ZNF626: variants seen among roughly 807,000 people sequenced by gnomAD.
The protein encoded by ZNF626 is zinc finger protein 626.
Under a neutral mutation model 11.7 loss-of-function variants are expected in ZNF626, and 4 were observed. The ratio of observed to expected loss-of-function variants is 0.34; its 90% CI spans 0.17 to 0.78. The LOEUF (loss-of-function observed/expected upper bound fraction) is 0.78. ZNF626 is among the 30% of genes least tolerant of loss of function. ZNF626 has a pLI of 0.57. For missense variants in ZNF626, 588 were observed against 587.1 expected (o/e 1.00, Z -0.01); for synonymous variants, 179 against 198.6 (o/e 0.90, Z 0.83).
In ZNF626 at chr19:20,623,632, C is replaced by G. The variant is rs1218018870; in HGVS notation, c.*658G>C. 5.6e-6 allele frequency: 1 copy of G among 178,666 alleles called. No individual in the cohort carries two copies. Among genetic ancestry groups the G allele is most frequent in the Non-Finnish European group, 1.2e-5 (1 of 84,486 alleles). The allele number at this position is 178,666 out of a possible 1,614,324, so 11.1% of individuals were successfully genotyped here. ...TGACAAACATGGTGTAACCTTGTCT[C>G]TACTAAAAATACAAAAGTTAGCTGG... On this transcript the variant is annotated 3_prime_UTR_variant, in exon 4 of 4. Coordinates refer to ENST00000601440, the MANE Select transcript of ZNF626 (RefSeq NM_001076675.3).
chr19:20,646,839 G>GATTTATTTATTT (rs567986347), intron 1 of ZNF626, among the ~76,000 whole-genome samples: 394 of 151,844 alleles, frequency 2.6e-3, no homozygotes, highest in African/African-American at 9.2e-3. Flanking sequence ...AATAAAGTCT[G>GATTTATTTATTT]ATTTATTTAT....
At chr19:20,651,163 GGT>G (rs1385557304) in intron 1 of ZNF626, among the ~76,000 whole-genome samples, 1 of 145,782 alleles carries the variant, frequency 6.9e-6, no homozygotes, top group East Asian at 2.0e-4. Context: ...CTCCAGCCTG[GGT>G]GACAGAGGGA....
intron 3 of ZNF626, among the ~76,000 whole-genome samples, chr19:20,642,526 G>A (rs1487578118): frequency 1.3e-5 from 2 of 152,150 alleles, no homozygotes; most frequent in East Asian, 3.9e-4. Flanking sequence ...AACTTGGAAG[G>A]CGGAGGTTGC....
chr19:20,647,491 T>C (rs958665940), intron 1 of ZNF626, among the ~76,000 whole-genome samples: 3 of 120,746 alleles, frequency 2.5e-5, no homozygotes, highest in Non-Finnish European at 4.6e-5. Context: ...ATGGTTTTTT[T>C]TTTTTTTTTT....
At chr19:20,644,457 G>C (rs1225154897) in intron 3 of ZNF626, among the ~76,000 whole-genome samples, 1 of 152,138 alleles carries the variant, frequency 6.6e-6, no homozygotes, top group Non-Finnish European at 1.5e-5. Context: ...GCAGCCTTGT[G>C]ACCAAGCTAC....
chr19:20,653,762 T>TG (rs782088058), intron 1 of ZNF626, among the ~76,000 whole-genome samples: 4 of 152,144 alleles, frequency 2.6e-5, no homozygotes, highest in East Asian at 1.9e-4. Flanking sequence ...AGCCATTGAA[T>TG]GGGGGTCTAT....
intron 1 of ZNF626, among the ~76,000 whole-genome samples, chr19:20,649,847 T>C (rs1970126505): frequency 1.1e-5 from 1 of 93,876 alleles, no homozygotes; most frequent in Non-Finnish European, 2.4e-5. Context: ...GCATTAGCAT[T>C]AGTTAGAGAA....
At chr19:20,657,010 G>C (rs572907093) in intron 1 of ZNF626, among the ~76,000 whole-genome samples, 28 of 152,168 alleles carry the variant, frequency 1.8e-4, no homozygotes, top group Non-Finnish European at 3.7e-4. Flanking sequence ...GTTCATTGCA[G>C]CACTATTCAC....
Position 20,624,770 on chromosome 19 carries a change from G to A in ZNF626, c.1107C>T (p.Tyr369=). 5 of 1,613,532 alleles carry A rather than the reference G, an allele frequency of 3.1e-6. No homozygotes were observed. The highest frequency in any genetic ancestry group is 4.2e-6 in the Non-Finnish European group (5 of 1,179,968). ...AGGCTTTGCCACATTCTTCACATTTGTAGGGTTTCTCTCCAGTATGAATTC... is the reference window on the plus strand; with the variant it reads ...AGGCTTTGCCACATTCTTCACATTTATAGGGTTTCTCTCCAGTATGAATTC... ...HKRIHTGEKP[Y]KCEECGKAFK... The change falls in exon 4 of 4, where the codon TAC becomes TAT. Residue 369 remains tyrosine, a synonymous_variant. Coordinates refer to ENST00000601440, the MANE Select transcript of ZNF626 (RefSeq NM_001076675.3).
intron 3 of ZNF626, among the ~76,000 whole-genome samples, chr19:20,632,045 T>C (rs1484381962): frequency 1.3e-5 from 2 of 152,176 alleles, no homozygotes; most frequent in African/African-American, 2.4e-5. Flanking sequence ...CCTTCACTTA[T>C]GCAGCTTAGT....
rs1969776952 is a variant in ZNF626 at position 20,623,158 on chromosome 19, CTTATG to C, written c.*1127_*1131del. On this transcript the variant is annotated 3_prime_UTR_variant, in exon 4 of 4. Transcript: ENST00000601440. ...AATGCTTTCATTAACTATGAACCTT[CTTATG>C]TTGAGTAAGATGTGAGTAGGCATTA... is the stretch of plus-strand genomic sequence containing the variant. The C allele has an allele frequency of 6.6e-6, 1 of 152,178 alleles. No individual in the cohort carries two copies. Among genetic ancestry groups the C allele is most frequent in the Non-Finnish European group, 1.5e-5 (1 of 68,038 alleles). The allele number at this position is 152,178 out of a possible 1,614,324, so 9.4% of individuals were successfully genotyped here.
Position 20,646,302 on chromosome 19 carries a change from T to C in ZNF626, c.107A>G (p.Asn36Ser), listed in dbSNP as rs1555771897. Residue 36 changes from asparagine (N) to serine (S), a missense_variant, in exon 2 of 4, where the codon AAC becomes AGC. Asn to Ser is a conservative substitution (Grantham distance 46). Transcript: ENST00000601440. ...RNLYRNVMLE[N>S]YSNLVFLGIT... The stretch of plus-strand genomic sequence containing the variant: ...ACCAAGGAAGACCAGGTTACTGTAG[T>C]TCTCTAACATCACATTCCTATATAA... 3 of 1,614,046 alleles carry C rather than the reference T, an allele frequency of 1.9e-6. No individual in the cohort carries two copies. Among genetic ancestry groups the C allele is most frequent in the East Asian group, 2.2e-5 (1 of 44,872 alleles).
chr19:20,643,609 T>C (rs1371856124), intron 3 of ZNF626, among the ~76,000 whole-genome samples: 1 of 152,092 alleles, frequency 6.6e-6, no homozygotes, highest in African/African-American at 2.4e-5. Flanking sequence ...GAGAGTGACA[T>C]CAGTAAGATG....
At chr19:20,641,334 A>G (rs1970022697) in intron 3 of ZNF626, among the ~76,000 whole-genome samples, 1 of 152,198 alleles carries the variant, frequency 6.6e-6, no homozygotes. Context: ...ACATTTTAAG[A>G]TAAACATTGA....
chr19:20,628,113 C>G (rs1969861620), intron 3 of ZNF626, among the ~76,000 whole-genome samples: 1 of 152,166 alleles, frequency 6.6e-6, no homozygotes, highest in Non-Finnish European at 1.5e-5. Context: ...ATGAACTCAT[C>G]ATTTTTTATG....
chr19:20,650,108 T>C (rs1342350866), intron 1 of ZNF626, among the ~76,000 whole-genome samples: 1 of 152,226 alleles, frequency 6.6e-6, no homozygotes, highest in Non-Finnish European at 1.5e-5. Flanking sequence ...CAGAGCACTG[T>C]GCTGGGCGTA....
At chr19:20,627,202 A>C (rs1969846188) in intron 3 of ZNF626, among the ~76,000 whole-genome samples, 1 of 152,186 alleles carries the variant, frequency 6.6e-6, no homozygotes, top group Admixed American at 6.5e-5. Context: ...AAACATGAAA[A>C]AGCTGAAGAA....
Position 20,646,276 on chromosome 19 carries a change from C to G in ZNF626, c.130+3G>C, listed in dbSNP as rs1385906986. On this transcript the variant is annotated splice_donor_region_variant and intron_variant, in intron 2 of 3. Coordinates refer to ENST00000601440, the MANE Select transcript of ZNF626 (RefSeq NM_001076675.3). ...GTATATTATGTACTCAAGTTATCCTCACCAAGGAAGACCAGGTTACTGTAG... is the reference window on the plus strand; with the variant it reads ...GTATATTATGTACTCAAGTTATCCTGACCAAGGAAGACCAGGTTACTGTAG... 1 of 1,613,150 alleles carries G rather than the reference C, an allele frequency of 6.2e-7. No individual in the cohort carries two copies. The highest frequency in any genetic ancestry group is 1.1e-5 in the South Asian group (1 of 90,980).
intron 1 of ZNF626, among the ~76,000 whole-genome samples, chr19:20,655,159 T>A (rs1970191545): frequency 6.6e-6 from 1 of 152,138 alleles, no homozygotes; most frequent in Non-Finnish European, 1.5e-5. Flanking sequence ...ATGCAGATTA[T>A]CTACAAAGAT....
Sources: allele counts gnomAD v4.1 joint callset (sites outside exome capture counted in the v4.1 genomes callset), GRCh38; gene constraint gnomAD v4.1.1; transcripts MANE v1.5; gene names NCBI Gene and HGNC (gene_info 2026-07-23, HGNC 2026-07-21).